Variants in STT3A observed in about 807,000 individuals in gnomAD.
The protein encoded by STT3A is STT3 oligosaccharyltransferase complex catalytic subunit A, also known as dolichyl-diphosphooligosaccharide--protein glycosyltransferase subunit STT3A.
A neutral mutation model predicts 89.2 loss-of-function variants in STT3A; 34 were observed. The observed-to-expected ratio is 0.38, with a 90% CI of 0.29 to 0.51. The LOEUF is 0.51. Among genes scored for constraint, STT3A ranks in the 20% least tolerant of loss-of-function variants. The pLI is 0.89. For missense variants in STT3A, 555 were observed against 889.5 expected (o/e 0.62, Z 4.78); for synonymous variants, 282 against 310.3 (o/e 0.91, Z 0.96).
chr11:125,602,119 T>C (rs2135916098), intron 3 of STT3A, among the ~76,000 whole-genome samples, 184 bp from the exon 4 acceptor site: 1 of 152,290 alleles, frequency 6.6e-6, no homozygotes, highest in East Asian at 1.9e-4. Context: ...AGAAAAGCAG[T>C]GCTTTAGTTG....
chr11:125,618,899 G>A (rs895675418), intron 16 of STT3A, among the ~76,000 whole-genome samples: 6 of 151,750 alleles, frequency 4.0e-5, no homozygotes, highest in African/African-American at 1.5e-4. Flanking sequence ...ATGCCTGGCT[G>A]TTTTTAAAAC....
At position 125,613,074 on chromosome 11, in the gene STT3A, C is replaced by A; in HGVS notation, c.1451C>A (p.Ser484Tyr). The change falls in exon 13 of 18, where the codon TCT (serine) becomes TAT (tyrosine). Residue 484 changes from serine (S) to tyrosine (Y), a missense_variant. By Grantham distance (144) the Ser-to-Tyr change is moderately radical. Coordinates refer to ENST00000392708, the MANE Select transcript of STT3A (RefSeq NM_152713.5). This position sits in a 1 kb window ranked among gnomAD's most constrained non-coding sequence, Gnocchi z 4.2. ...ACCTGGGTGACCAGTGAGGCCTACT[C>A]TTCTCCGTCCATTGTACTATCTGCC... The part of the protein sequence containing the change: ...HSTWVTSEAY[S>Y]SPSIVLSARG... 6.2e-7 allele frequency: 1 copy of A among 1,614,152 alleles called. No homozygotes were observed. The highest frequency in any genetic ancestry group is 8.5e-7 in the Non-Finnish European group (1 of 1,180,024).
At chr11:125,596,937 A>C (rs1939516607) in intron 2 of STT3A, 122 bp from the exon 3 acceptor site, 2 of 1,067,044 alleles carry the variant, frequency 1.9e-6, no homozygotes, top group African/African-American at 1.6e-5. Flanking sequence ...GACTTTATTC[A>C]GGGATTATTT....
rs1040139502 is a variant in STT3A, at chr11:125,609,030, T to G, written c.962-404T>G. On this transcript the variant is annotated intron_variant, in intron 9 of 17. Coordinates refer to ENST00000392708, the MANE Select transcript of STT3A (RefSeq NM_152713.5). ...TGGTTGGAAAGCCAAATTTTCCTTC[T>G]TTTTCTCTACTTTGCTTTCTCAGAG... is the stretch of plus-strand genomic sequence containing the variant. Among the ~76,000 whole-genome samples, 3 of 152,364 alleles carry G rather than the reference T, an allele frequency of 2.0e-5. No homozygotes were observed. The South Asian group carries it at 6.2e-4, about 32-fold the overall frequency.
chr11:125,606,692 C>T (rs1484257214), intron 8 of STT3A, among the ~76,000 whole-genome samples: 1 of 152,080 alleles, frequency 6.6e-6, no homozygotes, highest in African/African-American at 2.4e-5. Flanking sequence ...CTTACTTTGG[C>T]TTTAAGTTTG....
At chr11:125,608,928 A>T (rs1161605039) in intron 9 of STT3A, among the ~76,000 whole-genome samples, 1 of 152,002 alleles carries the variant, frequency 6.6e-6, no homozygotes, top group Non-Finnish European at 1.5e-5. Flanking sequence ...GGGTGGGAGA[A>T]GTCATTATAT....
intron 15 of STT3A, among the ~76,000 whole-genome samples, chr11:125,617,939 C>T (rs999301886): frequency 6.6e-6 from 1 of 152,128 alleles, no homozygotes; most frequent in African/African-American, 2.4e-5. Flanking sequence ...CAGTATACCC[C>T]CTTTTGGGGT....
intron 1 of STT3A, chr11:125,593,568 G>A (rs866554090): frequency 1.3e-5 from 2 of 152,238 alleles, no homozygotes; most frequent in African/African-American, 4.8e-5. Flanking sequence ...TTCAAGTAGA[G>A]ATCCTAGCAG....
At chr11:125,595,794 C>T (rs905883866) in intron 1 of STT3A, 87 bp from the exon 2 acceptor site, 1 of 707,544 alleles carries the variant, frequency 1.4e-6, no homozygotes, top group Non-Finnish European at 2.5e-6. Flanking sequence ...CTCCTACGTC[C>T]TTTATGATTC....
intron 11 of STT3A, among the ~76,000 whole-genome samples, chr11:125,612,378 C>G (rs1940052616): frequency 6.6e-6 from 1 of 152,086 alleles, no homozygotes; most frequent in Non-Finnish European, 1.5e-5. Context: ...TATCATTATT[C>G]AAGACACACA....
upstream of STT3A, chr11:125,592,761 G>C (rs1414549700): frequency 3.5e-6 from 1 of 286,252 alleles, no homozygotes; most frequent in East Asian, 1.0e-4. Flanking sequence ...TTGACAGACA[G>C]TTCCGAGACC....
chr11:125,602,672 G>A (rs73629968), intron 4 of STT3A, 131 bp from the exon 5 acceptor site: 2 of 1,280,122 alleles, frequency 1.6e-6, no homozygotes, highest in East Asian at 2.4e-5. Flanking sequence ...GCTTACTGCA[G>A]TTGCTATGTT....
intron 15 of STT3A, among the ~76,000 whole-genome samples, chr11:125,616,038 C>CAA (rs199872821): frequency 2.0e-5 from 3 of 149,242 alleles, no homozygotes; most frequent in African/African-American, 7.4e-5. Flanking sequence ...GACTCCATCT[C>CAA]AAAAAAAAAG....
chr11:125,618,627 C>T (rs1591382148), intron 16 of STT3A, 66 bp downstream of exon 16: 1 of 1,491,286 alleles, frequency 6.7e-7, no homozygotes, highest in South Asian at 1.3e-5. Context: ...ACAGTATTTT[C>T]CATATGCCAA....
At chr11:125,600,038 TTTTA>T (rs1210478186) in intron 3 of STT3A, among the ~76,000 whole-genome samples, 2 of 150,758 alleles carry the variant, frequency 1.3e-5, no homozygotes, top group African/African-American at 2.4e-5. Flanking sequence ...TCTTATTTAT[TTTTA>T]TTTGTTATTA....
Position 125,617,037 on chromosome 11 carries a change from C to G in STT3A, c.1775-1336C>G, listed in dbSNP as rs994065579. ...TTATGAGGTTTTTGCTTCAGACATA[C>G]CTGCCAGGCAGCTACAATACTATTG... is the stretch of plus-strand genomic sequence containing the variant. On this transcript the variant is annotated intron_variant, in intron 15 of 17. Coordinates refer to ENST00000392708, the MANE Select transcript of STT3A (RefSeq NM_152713.5). Among the ~76,000 whole-genome samples, 4 of 152,226 alleles carry G rather than the reference C, an allele frequency of 2.6e-5. No individual in the cohort carries two copies. The East Asian group carries it at 5.8e-4, about 22-fold the overall frequency.
intron 2 of STT3A, among the ~76,000 whole-genome samples, chr11:125,596,381 C>T (rs1269704920): frequency 6.6e-6 from 1 of 152,162 alleles, no homozygotes; most frequent in Non-Finnish European, 1.5e-5. Context: ...ACGAGAATCG[C>T]TCGAACCTGG....
chr11:125,605,859 T>C (rs1276174889), intron 7 of STT3A, 124 bp downstream of exon 7: 1 of 751,714 alleles, frequency 1.3e-6, no homozygotes, highest in Non-Finnish European at 2.1e-6. Flanking sequence ...TTTTCCAGTA[T>C]ATTTTTTCTG....
At chr11:125,594,089 AAAAAT>A (rs1343248259) in intron 1 of STT3A, among the ~76,000 whole-genome samples, 1 of 152,228 alleles carries the variant, frequency 6.6e-6, no homozygotes, top group East Asian at 1.9e-4. Context: ...CTAAGACAAA[AAAAAT>A]AAGGTGATGA....
Sources: gnomAD v4.1 joint callset for allele counts (sites outside exome capture counted in the v4.1 genomes callset) on GRCh38, gnomAD v4.1.1 for gene constraint, Gnocchi (gnomAD v3.1) non-coding constraint, MANE v1.5 for transcripts, NCBI Gene and HGNC (gene_info 2026-07-23, HGNC 2026-07-21) for gene names.